PLPP2: variants seen among roughly 807,000 people sequenced by gnomAD.
PLPP2 encodes the protein PAP2-gamma.
Under a neutral mutation model 35.2 loss-of-function variants are expected in PLPP2, and 29 were observed. The observed-to-expected ratio is 0.82, with a 90% CI of 0.61 to 1.12. PLPP2 has a LOEUF of 1.12. Ranked by LOEUF, PLPP2 falls within the 50% of genes most tolerant of loss-of-function variation. PLPP2 has a pLI of 0.00. For missense variants in PLPP2, 353 were observed against 375.2 expected, an observed-to-expected ratio of 0.94 and a Z score of 0.49; for synonymous variants, 162 against 167.0, an observed-to-expected ratio of 0.97 and a Z score of 0.23.
intron 1 of PLPP2, 102 bp from the exon 2 acceptor site, chr19:288,273 T>A: frequency 8.1e-7 from 1 of 1,228,966 alleles, no homozygotes. Context: ...ACCTCTACTC[T>A]CACCAGACAG....
At position 287,472 on chromosome 19, in the gene PLPP2, A is replaced by T. The variant is rs755947225; in HGVS notation, c.482+2T>A. ...GAGTGAAGGCTGCTGGTCCACACCC[A>T]CCTGGCCTCGGTGACATCAGCAGGG... On this transcript the variant is annotated splice_donor_variant, in intron 3 of 5. Transcript: ENST00000434325. LOFTEE classifies it high-confidence loss of function. This position sits in a 1 kb window ranked among gnomAD's most constrained non-coding sequence, Gnocchi z 4.3. 1.2e-6 allele frequency: 2 copies of T among 1,606,172 alleles called. No individual in the cohort carries two copies. Among genetic ancestry groups the T allele is most frequent in the South Asian group, 2.2e-5 (2 of 90,834 alleles).
chr19:281,309 C>T lies in PLPP2; in HGVS notation c.*79G>A, dbSNP rs1970168637. 1 of 1,271,684 alleles carries T rather than the reference C, an allele frequency of 7.9e-7. No individual in the cohort carries two copies. The highest frequency in any genetic ancestry group is 1.0e-6 in the Non-Finnish European group (1 of 991,098). 78.8% of individuals were successfully genotyped at this position (1,271,684 alleles called of 1,614,324 possible). On this transcript the variant is annotated 3_prime_UTR_variant, in exon 6 of 6. Transcript: ENST00000434325. Reference sequence around the variant, plus strand: ...TGGAGCCCGTCCAGAGCCCTCAGTGCCTAACCAGGGCTGGAGGGACCACCT... The same window carrying T: ...TGGAGCCCGTCCAGAGCCCTCAGTGTCTAACCAGGGCTGGAGGGACCACCT...
rs746084263 is a variant in PLPP2 at position 291,300 on chromosome 19, G to A, written c.37C>T (p.Leu13=). 3 of 1,601,510 alleles carry A rather than the reference G, an allele frequency of 1.9e-6. No homozygotes were observed. In the African/African-American group the frequency reaches 4.1e-5, roughly 22 times the overall value. ...AGGCTCTTACCGACCAGTAAGCACAGCACGTCGAGCAGCACGAAGACCCAC... is the reference window on the plus strand; with the variant it reads ...AGGCTCTTACCGACCAGTAAGCACAACACGTCGAGCAGCACGAAGACCCAC... The part of the protein sequence containing the change: ...RRWVFVLLDV[L]CLLVASLPFA... Residue 13 remains leucine, a synonymous_variant, in exon 1 of 6, where the codon CTG becomes TTG. Transcript: ENST00000434325.
rs754393176 is a variant in PLPP2, at chr19:287,728, C to T, written c.228G>A (p.Leu76=). Residue 76 remains leucine (L), a synonymous_variant, in exon 3 of 6, where the codon CTG becomes CTA. Coordinates refer to ENST00000434325, the MANE Select transcript of PLPP2 (RefSeq NM_003712.4). This position sits in a 1 kb window ranked among gnomAD's most constrained non-coding sequence, Gnocchi z 4.3. ...GAGAATAGAGCCGGTCTGTGTACAC[C>T]AGGTAGGCTTCCCCGGCCGAGACCT... The part of the protein sequence containing the change: ...VILVSAGEAY[L]VYTDRLYSRS... 2.0e-5 allele frequency: 32 copies of T among 1,613,584 alleles called. 1 individual carries two copies. In the Middle Eastern group the frequency reaches 4.9e-4, roughly 25 times the overall value.
intron 1 of PLPP2, among the ~76,000 whole-genome samples, chr19:289,136 G>A (rs1380491124): frequency 6.6e-6 from 1 of 152,216 alleles, no homozygotes; most frequent in Non-Finnish European, 1.5e-5. Flanking sequence ...CAGGGAAGCA[G>A]GAGTCATCTA....
At chr19:290,402 A>T (rs1013965862) in intron 1 of PLPP2, among the ~76,000 whole-genome samples, 2 of 152,234 alleles carry the variant, frequency 1.3e-5, no homozygotes, top group Admixed American at 6.5e-5. Context: ...AAATGGTACC[A>T]CGGGCTGGCA....
chr19:281,673 TG>T, intron 5 of PLPP2, 136 bp from the exon 6 acceptor site: 1 of 820,694 alleles, frequency 1.2e-6, no homozygotes, highest in Non-Finnish European at 1.8e-6. Flanking sequence ...GAGTAGTGCC[TG>T]GGGTGGGAAG....
chr19:282,351 G>A, intron 4 of PLPP2, 41 bp from the exon 5 acceptor site: 1 of 1,592,956 alleles, frequency 6.3e-7, no homozygotes, highest in South Asian at 1.1e-5. Context: ...GCACCTGCCA[G>A]GCGCTCCCCC....
intron 1 of PLPP2, 58 bp downstream of exon 1, chr19:291,227 C>T: frequency 1.3e-6 from 2 of 1,594,012 alleles, no homozygotes; most frequent in Non-Finnish European, 1.7e-6. Flanking sequence ...TGCGCGCAGC[C>T]GGGGGCGTGT....
chr19:281,369 GC>G lies in PLPP2; in HGVS notation c.*18del. The G allele has an allele frequency of 7.2e-7, 1 of 1,391,910 alleles. No individual in the cohort carries two copies. Among genetic ancestry groups the G allele is most frequent in the South Asian group, 1.9e-5 (1 of 52,856 alleles). 86.2% of individuals were successfully genotyped at this position (1,391,910 alleles called of 1,614,324 possible). A position where few individuals can be genotyped will look rare whatever the true frequency, so the allele number is the denominator to read the frequency against. ...TCAGCTGGACTCACAGCAGCTCCCT[GC>G]CTGGGCGGGGTCCGGCCTCAGGAGG... On this transcript the variant is annotated 3_prime_UTR_variant, in exon 6 of 6. Coordinates refer to ENST00000434325, the MANE Select transcript of PLPP2 (RefSeq NM_003712.4).
intron 1 of PLPP2, 34 bp downstream of exon 1, chr19:291,251 G>T: frequency 2.5e-6 from 4 of 1,598,248 alleles, no homozygotes; most frequent in African/African-American, 1.4e-5. Context: ...TCCCGGGAGG[G>T]TCCCCCCAAC....
Position 291,296 on chromosome 19 carries a change from CACAGCACGTCGA to C in PLPP2, c.29_40del (p.Leu10_Cys14delinsArg). Reference sequence around the variant, plus strand: ...CCCAAGGCTCTTACCGACCAGTAAGCACAGCACGTCGAGCAGCACGAAGACCCACCTCCGCTG... The same window carrying C: ...CCCAAGGCTCTTACCGACCAGTAAGCGCAGCACGAAGACCCACCTCCGCTG... On this transcript the variant is annotated inframe_deletion, in exon 1 of 6. Coordinates refer to ENST00000434325, the MANE Select transcript of PLPP2 (RefSeq NM_003712.4). 1 of 1,602,094 alleles carries C rather than the reference CACAGCACGTCGA, an allele frequency of 6.2e-7. No homozygotes were observed. The highest frequency in any genetic ancestry group is 8.5e-7 in the Non-Finnish European group (1 of 1,175,450).
At position 288,036 on chromosome 19, in the gene PLPP2, G is replaced by A. The variant is rs371742347; in HGVS notation, c.188C>T (p.Thr63Met). The stretch of plus-strand genomic sequence containing the variant: ...CTGCCTTACAAGGATGACGGTGGCC[G>A]TGATGGTGACCCCAGCCATGAGCCC... ...THGLMAGVTI[T>M]ATVILVSAGE... is the part of the protein sequence containing the mutation. The change falls in exon 2 of 6, where the codon ACG becomes ATG. Residue 63 changes from threonine (T) to methionine (M), a missense_variant. Transcript: ENST00000434325. 3.5e-5 allele frequency: 57 copies of A among 1,612,000 alleles called. No homozygotes were observed. The highest frequency in any genetic ancestry group is 2.0e-4 in the African/African-American group (15 of 74,726).
chr19:287,923 C>T lies in PLPP2; in HGVS notation c.204+97G>A. 3 of 1,537,436 alleles carry T rather than the reference C, an allele frequency of 2.0e-6. No individual in the cohort carries two copies. Among genetic ancestry groups the T allele is most frequent in the South Asian group, 2.5e-5 (2 of 81,396 alleles). On this transcript the variant is annotated intron_variant, in intron 2 of 5. Transcript: ENST00000434325. The surrounding 1 kb of genome is among the most constrained non-coding windows in gnomAD (Gnocchi z 4.3). The stretch of plus-strand genomic sequence containing the variant: ...TGTCCCCCGGCCCCACACAGACCTC[C>T]AGGGCAGGGCTGTGCCACCCCCCCA...
chr19:282,052 A>G (rs1970183699), intron 5 of PLPP2, 82 bp downstream of exon 5: 3 of 1,446,036 alleles, frequency 2.1e-6, no homozygotes, highest in Non-Finnish European at 2.9e-6. Context: ...CAGTGGGGCA[A>G]GGGTACCCAG....
At chr19:289,870 G>C (rs1044033257) in intron 1 of PLPP2, among the ~76,000 whole-genome samples, 4 of 151,972 alleles carry the variant, frequency 2.6e-5, no homozygotes, top group African/African-American at 9.7e-5. Flanking sequence ...TGGAAAGTCA[G>C]GGTTACGAGA....
chr19:282,669 C>G, intron 4 of PLPP2, 83 bp downstream of exon 4: 2 of 1,440,680 alleles, frequency 1.4e-6, no homozygotes, highest in Non-Finnish European at 1.9e-6. Context: ...ACCCATTTTA[C>G]AGCTGGAAAA....
At chr19:288,453 T>C (rs1414222202) in intron 1 of PLPP2, 1 of 284,910 alleles carries the variant, frequency 3.5e-6, no homozygotes, top group African/African-American at 2.2e-5. Flanking sequence ...CTGCCCAAAA[T>C]ATCTTTTTTT....
chr19:283,992 C>T (rs1424320521), intron 3 of PLPP2: 2 of 152,120 alleles, frequency 1.3e-5, no homozygotes, highest in Non-Finnish European at 2.9e-5. Context: ...AGAACAAACC[C>T]GGGAGAGGGC....
Sources: gnomAD v4.1 joint callset for allele counts (sites outside exome capture counted in the v4.1 genomes callset) on GRCh38, gnomAD v4.1.1 for gene constraint, Gnocchi (gnomAD v3.1) non-coding constraint, MANE v1.5 for transcripts, NCBI Gene and HGNC (gene_info 2026-07-23, HGNC 2026-07-21) for gene names.